The following ZNF654 variants were observed in gnomAD, a reference collection of about 807,000 sequenced individuals.
ZNF654 encodes the protein zinc finger protein 654.
Under a neutral mutation model 95.3 loss-of-function variants are expected in ZNF654, and 19 were observed. The observed-to-expected ratio is 0.20, with a 90% confidence interval of 0.14 to 0.29. The LOEUF (loss-of-function observed/expected upper bound fraction) is 0.29, where lower values mean the gene tolerates loss of function less well. ZNF654 is among the 10% of genes least tolerant of loss of function. The pLI, the probability that ZNF654 is intolerant of heterozygous loss-of-function variation, is 1.00. For synonymous variants in ZNF654, 413 were observed against 457.9 expected, an observed-to-expected ratio of 0.90 and a Z score of 1.25; for missense variants, 1,046 against 1,341.0, an observed-to-expected ratio of 0.78 and a Z score of 3.44.
intron 2 of ZNF654, among the ~76,000 whole-genome samples, chr3:88,096,153 A>G (rs562036781): frequency 5.3e-5 from 8 of 152,096 alleles, no homozygotes; most frequent in Admixed American, 2.6e-4. Flanking sequence ...AATGTCAACC[A>G]TCCTAGATAA....
chr3:88,082,183 G>A (rs1708112627), intron 1 of ZNF654, among the ~76,000 whole-genome samples: 1 of 151,126 alleles, frequency 6.6e-6, no homozygotes, highest in South Asian at 2.1e-4. Context: ...CTGGAGTGCA[G>A]TGGTGCAATC....
intron 1 of ZNF654, among the ~76,000 whole-genome samples, chr3:88,062,932 A>G (rs1706970497): frequency 1.3e-5 from 2 of 152,228 alleles, no homozygotes; most frequent in South Asian, 2.1e-4. Flanking sequence ...TAGGTAGCTT[A>G]TAATTTGTGT....
At chr3:88,117,779 A>C (rs2107786276) in intron 3 of ZNF654, among the ~76,000 whole-genome samples, 1 of 152,260 alleles carries the variant, frequency 6.6e-6, no homozygotes, top group East Asian at 1.9e-4. Flanking sequence ...AATCAAATGT[A>C]TTTTTGGGCA....
chr3:88,074,707 A>G (rs963897204), intron 1 of ZNF654, among the ~76,000 whole-genome samples: 2 of 152,062 alleles, frequency 1.3e-5, no homozygotes, highest in Non-Finnish European at 2.9e-5. Flanking sequence ...ACCCAACCCA[A>G]TACCCATTAA....
chr3:88,059,560 G>A (rs1293497967), intron 1 of ZNF654, 55 bp downstream of exon 1: 2 of 1,444,482 alleles, frequency 1.4e-6, no homozygotes, highest in South Asian at 1.5e-5. Flanking sequence ...GCCTCTCTGC[G>A]TCTCCTGGTC....
At chr3:88,107,877 C>G (rs1343043517) in intron 2 of ZNF654, among the ~76,000 whole-genome samples, 1 of 152,020 alleles carries the variant, frequency 6.6e-6, no homozygotes, top group Non-Finnish European at 1.5e-5. Context: ...ATATAATACC[C>G]ATATTTTATA....
In ZNF654 at chr3:88,119,318, A is replaced by G. The variant is rs1171732349; in HGVS notation, c.414+6122A>G. Among the ~76,000 whole-genome samples the G allele has an allele frequency of 1.7e-4, 24 of 142,622 alleles. No homozygotes were observed. The South Asian group carries it at 5.6e-3, about 34-fold the overall frequency. 93.6% of individuals were successfully genotyped at this position (142,622 alleles called of 152,430 possible). A position where few individuals can be genotyped will look rare whatever the true frequency, so the allele number is the denominator to read the frequency against. ...CCAAACACTGCATATTCTCACTCAT[A>G]GGTGGGAATTGAACAATGAGAACAC... is the stretch of plus-strand genomic sequence containing the variant. On this transcript the variant is annotated intron_variant, in intron 3 of 8. Transcript: ENST00000636215.
intron 1 of ZNF654, among the ~76,000 whole-genome samples, chr3:88,061,300 G>T (rs1440533626): frequency 6.6e-6 from 1 of 152,106 alleles, no homozygotes; most frequent in Non-Finnish European, 1.5e-5. Context: ...AATTTAGCCT[G>T]CAAAACACAG....
intron 3 of ZNF654, among the ~76,000 whole-genome samples, chr3:88,119,098 C>T (rs1200264908): frequency 4.7e-5 from 7 of 149,184 alleles, no homozygotes; most frequent in South Asian, 2.2e-4. Context: ...ATGTTTACTG[C>T]GGCATTATTC....
chr3:88,141,419 T>C (rs1707123130), intron 8 of ZNF654, among the ~76,000 whole-genome samples: 1 of 152,090 alleles, frequency 6.6e-6, no homozygotes, highest in Admixed American at 6.5e-5. Flanking sequence ...TTATTTTTCA[T>C]ATGCATTCCA....
chr3:88,096,912 C>T (rs1461010321), intron 2 of ZNF654, among the ~76,000 whole-genome samples: 2 of 152,166 alleles, frequency 1.3e-5, no homozygotes, highest in East Asian at 1.9e-4. Context: ...CTCATATTAT[C>T]ATTTTAGACA....
intron 6 of ZNF654, among the ~76,000 whole-genome samples, chr3:88,130,183 T>C (rs1706361922): frequency 1.3e-5 from 2 of 152,162 alleles, no homozygotes; most frequent in Non-Finnish European, 2.9e-5. Context: ...TGAGTGTTTT[T>C]AGGTAGCTAA....
At chr3:88,101,674 C>T (rs1422758727) in intron 2 of ZNF654, among the ~76,000 whole-genome samples, 1 of 152,080 alleles carries the variant, frequency 6.6e-6, no homozygotes, top group Non-Finnish European at 1.5e-5. Context: ...CTTTTCATTT[C>T]TCCTAGGTAG....
intron 2 of ZNF654, among the ~76,000 whole-genome samples, chr3:88,105,733 T>A (rs1704697991): frequency 2.0e-5 from 3 of 152,212 alleles, no homozygotes; most frequent in Admixed American, 2.0e-4. Flanking sequence ...AAATGGCATC[T>A]TGGTATATTT....
Position 88,142,296 on chromosome 3 carries a change from CAA to C in ZNF654, c.*651_*652del, listed in dbSNP as rs77096741. ...CAGCATTGAAAATTAAAAAACAAAACAAAAAAAACCACAGTGCTTTGCTAATA... is the reference window on the plus strand; with the variant it reads ...CAGCATTGAAAATTAAAAAACAAAACAAAAAACCACAGTGCTTTGCTAATA... On this transcript the variant is annotated 3_prime_UTR_variant, in exon 9 of 9. Coordinates refer to ENST00000636215, the MANE Select transcript of ZNF654 (RefSeq NM_001350134.2). 2.0e-5 allele frequency: 3 copies of C among 151,032 alleles called. No homozygotes were observed. Among genetic ancestry groups the C allele is most frequent in the Non-Finnish European group, 4.4e-5 (3 of 67,480 alleles). 9.4% of individuals were successfully genotyped at this position (151,032 alleles called of 1,614,324 possible). A position where few individuals can be genotyped will look rare whatever the true frequency, so the allele number is the denominator to read the frequency against.
intron 8 of ZNF654, 81 bp from the exon 9 acceptor site, chr3:88,141,564 A>G: frequency 9.4e-7 from 1 of 1,066,528 alleles, no homozygotes; most frequent in African/African-American, 1.6e-5. Flanking sequence ...ATGACAGGGT[A>G]TAAATTAAAC....
intron 1 of ZNF654, among the ~76,000 whole-genome samples, chr3:88,082,959 T>C (rs1386955143): frequency 6.6e-6 from 1 of 152,046 alleles, no homozygotes; most frequent in East Asian, 1.9e-4. Flanking sequence ...ACATGGCCAT[T>C]CTTTGGTGCA....
intron 1 of ZNF654, 129 bp downstream of exon 1, chr3:88,059,634 GA>G (rs1706729437): frequency 2.2e-6 from 3 of 1,347,882 alleles, no homozygotes; most frequent in South Asian, 3.3e-5. Context: ...GGGTGAGGCT[GA>G]AGCTCCCTCC....
intron 1 of ZNF654, among the ~76,000 whole-genome samples, chr3:88,077,069 A>G (rs923801798): frequency 1.2e-4 from 19 of 152,158 alleles, no homozygotes; most frequent in Admixed American, 5.9e-4. Flanking sequence ...GTATTTTTTG[A>G]GATAGAGTAA....
Sources: allele counts gnomAD v4.1 joint callset (sites outside exome capture counted in the v4.1 genomes callset), GRCh38; gene constraint gnomAD v4.1.1; transcripts MANE v1.5; gene names NCBI Gene and HGNC (gene_info 2026-07-23, HGNC 2026-07-21).